The following CTNNA3 variants were observed in gnomAD, a reference collection of about 807,000 sequenced individuals.
CTNNA3 encodes the protein catenin alpha-3.
Under a neutral mutation model 95.7 loss-of-function variants are expected in CTNNA3, and 76 were observed. That is an observed-to-expected ratio of 0.79 (90% CI 0.66 to 0.96). The LOEUF (loss-of-function observed/expected upper bound fraction) is 0.96, where lower values mean the gene tolerates loss of function less well. Among genes scored for constraint, CTNNA3 ranks in the 40% least tolerant of loss-of-function variants. The pLI, the probability that CTNNA3 is intolerant of heterozygous loss-of-function variation, is 0.00. For synonymous variants in CTNNA3, 431 were observed against 374.4 expected (o/e 1.15, Z -1.74); for missense variants, 1,191 against 1,089.8 (o/e 1.09, Z -1.31).
chr10:66,209,844 G>A (rs564300295), intron 13 of CTNNA3, among the ~76,000 whole-genome samples: 25 of 152,182 alleles, frequency 1.6e-4, no homozygotes, highest in Admixed American at 1.2e-3. Context: ...GTAGTAGCTC[G>A]TATTTATGCC....
intron 1 of CTNNA3, among the ~76,000 whole-genome samples, chr10:67,704,980 C>T (rs1425146344): frequency 6.6e-6 from 1 of 152,198 alleles, no homozygotes; most frequent in Non-Finnish European, 1.5e-5. Context: ...CATGAACAGA[C>T]ACTCCTCAAA....
chr10:67,316,768 C>T (rs982535611), intron 5 of CTNNA3, among the ~76,000 whole-genome samples: 2 of 152,080 alleles, frequency 1.3e-5, no homozygotes, highest in Non-Finnish European at 2.9e-5. Flanking sequence ...TGTTTTACCT[C>T]CTCACATTCA....
rs112758582 is a variant in CTNNA3 at position 66,186,303 on chromosome 10, T to TGTGTGA, written c.1885-83055_1885-83054insTCACAC. 1.3e-3 allele frequency among the ~76,000 whole-genome samples: 192 copies of TGTGTGA among 149,488 alleles called. 2 individuals are homozygous for TGTGTGA. In the East Asian group the frequency reaches 0.023, roughly 18 times the overall value. On this transcript the variant is annotated intron_variant, in intron 13 of 17. Coordinates refer to ENST00000433211, the MANE Select transcript of CTNNA3 (RefSeq NM_013266.4). ...GTGAGTGTGTGTGTGTGTGTGTGTG[T>TGTGTGA]GAGAGATAGAGAGAGAGAGATGAGT...
intron 2 of CTNNA3, among the ~76,000 whole-genome samples, chr10:67,614,411 T>G (rs1843580833): frequency 6.6e-6 from 1 of 152,176 alleles, no homozygotes; most frequent in Non-Finnish European, 1.5e-5. Flanking sequence ...TAATGTAGAA[T>G]CAGTGGGAGC....
chr10:66,515,731 C>A (rs185129214), intron 11 of CTNNA3, among the ~76,000 whole-genome samples: 123 of 151,996 alleles, frequency 8.1e-4, no homozygotes, highest in African/African-American at 2.8e-3. Context: ...AGAATGAGAG[C>A]CCAGTGAAGG....
intron 7 of CTNNA3, among the ~76,000 whole-genome samples, chr10:66,833,837 C>T (rs185250970): frequency 5.3e-4 from 80 of 152,238 alleles, no homozygotes; most frequent in Non-Finnish European, 1.0e-3. Context: ...TAGGATTTCA[C>T]GAATCCTGTT....
intron 7 of CTNNA3, among the ~76,000 whole-genome samples, chr10:66,995,184 C>G (rs1318989036): frequency 6.6e-6 from 1 of 152,148 alleles, no homozygotes; most frequent in Non-Finnish European, 1.5e-5. Flanking sequence ...GATTTCCATA[C>G]TCTCCTCCTT....
intron 11 of CTNNA3, among the ~76,000 whole-genome samples, chr10:66,427,023 A>C (rs983453190): frequency 2.6e-5 from 4 of 151,644 alleles, no homozygotes; most frequent in African/African-American, 4.8e-5. Flanking sequence ...AATTTCTTTA[A>C]ATTTTAGCTT....
intron 11 of CTNNA3, among the ~76,000 whole-genome samples, chr10:66,507,163 T>C (rs545435437): frequency 2.6e-5 from 4 of 152,286 alleles, no homozygotes; most frequent in South Asian, 2.1e-4. Flanking sequence ...TATGATGTCA[T>C]GGACAAAAAG....
Position 66,907,395 on chromosome 10 carries a change from G to T in CTNNA3, c.1048-131871C>A, listed in dbSNP as rs570749003. 8.7e-4 allele frequency among the ~76,000 whole-genome samples: 133 copies of T among 152,090 alleles called. 2 individuals carry two copies. The Middle Eastern group carries it at 0.02, about 23-fold the overall frequency. The stretch of plus-strand genomic sequence containing the variant: ...CTGGTACTAATAACTTTTCACTTGA[G>T]CCTCTTAGATATTTCAGGTAGACAA... On this transcript the variant is annotated intron_variant, in intron 7 of 17. Transcript: ENST00000433211.
chr10:66,932,195 T>A (rs1847440429), intron 7 of CTNNA3, among the ~76,000 whole-genome samples: 1 of 152,214 alleles, frequency 6.6e-6, no homozygotes, highest in Admixed American at 6.5e-5. Flanking sequence ...GATTCATGGA[T>A]AATGAAATTA....
intron 7 of CTNNA3, chr10:66,928,179 C>A (rs138124510): frequency 7.4e-6 from 12 of 1,614,084 alleles, no homozygotes; most frequent in Admixed American, 1.7e-5. Context: ...ATAAAATCAT[C>A]GCGGGCAGCG....
intron 1 of CTNNA3, among the ~76,000 whole-genome samples, chr10:67,740,765 T>A (rs1027318081): frequency 4.0e-5 from 6 of 151,298 alleles, no homozygotes; most frequent in Admixed American, 6.6e-5. Flanking sequence ...TCCTCAGGGA[T>A]CTAGAACTAC....
intron 6 of CTNNA3, among the ~76,000 whole-genome samples, chr10:67,196,693 T>G (rs1863383362): frequency 6.6e-6 from 1 of 152,060 alleles, no homozygotes; most frequent in South Asian, 2.1e-4. Context: ...CTTTCAGTTT[T>G]TTATCTTTTT....
chr10:67,569,006 A>G (rs1340869353), intron 3 of CTNNA3, among the ~76,000 whole-genome samples: 1 of 152,134 alleles, frequency 6.6e-6, no homozygotes, highest in African/African-American at 2.4e-5. Flanking sequence ...TTCGTTCTTC[A>G]TTTGAAAGAG....
chr10:66,568,279 T>C (rs1842772119), intron 10 of CTNNA3, among the ~76,000 whole-genome samples: 2 of 152,142 alleles, frequency 1.3e-5, no homozygotes, highest in Non-Finnish European at 1.5e-5. Flanking sequence ...TGAAAATCAA[T>C]TAGAGTCCAA....
At chr10:66,107,619 A>T (rs1020393553) in intron 13 of CTNNA3, among the ~76,000 whole-genome samples, 3 of 152,112 alleles carry the variant, frequency 2.0e-5, no homozygotes, top group African/African-American at 7.2e-5. Flanking sequence ...GTCACAATAC[A>T]TTTCATATAT....
intron 9 of CTNNA3, among the ~76,000 whole-genome samples, chr10:66,712,639 C>T (rs1848333402): frequency 6.6e-6 from 1 of 151,956 alleles, no homozygotes; most frequent in Non-Finnish European, 1.5e-5. Flanking sequence ...TTTGAATATA[C>T]CATCAACTTT....
At chr10:67,654,888 T>C (rs1260105342) in intron 1 of CTNNA3, among the ~76,000 whole-genome samples, 1 of 152,208 alleles carries the variant, frequency 6.6e-6, no homozygotes, top group African/African-American at 2.4e-5. Context: ...TCTACCTCTT[T>C]TATTAAAATT....
Sources: gnomAD v4.1 joint callset for allele counts (sites outside exome capture counted in the v4.1 genomes callset) on GRCh38, gnomAD v4.1.1 for gene constraint, MANE v1.5 for transcripts, NCBI Gene and HGNC (gene_info 2026-07-23, HGNC 2026-07-21) for gene names.